RBM27: variants seen among roughly 807,000 people sequenced by gnomAD.
RBM27 encodes RNA binding motif protein 27.
Under a neutral mutation model 135.3 loss-of-function variants are expected in RBM27, and 22 were observed. The observed-to-expected ratio is 0.16, with a 90% CI of 0.12 to 0.23. The LOEUF is 0.23. Ranked by LOEUF, RBM27 falls within the 10% of genes least tolerant of loss-of-function variation. RBM27 has a pLI of 1.00. For missense variants in RBM27, 1,009 were observed against 1,281.0 expected (o/e 0.79, Z 3.24); for synonymous variants, 481 against 442.4 (o/e 1.09, Z -1.10).
At chr5:146,243,779 A>C (rs1171714524) in intron 8 of RBM27, among the ~76,000 whole-genome samples, 1 of 152,202 alleles carries the variant, frequency 6.6e-6, no homozygotes, top group African/African-American at 2.4e-5. Flanking sequence ...CAGCACAGAA[A>C]ATATAGGTGA....
chr5:146,263,356 A>C (rs1282192237), intron 13 of RBM27, 135 bp from the exon 14 acceptor site: 1 of 800,664 alleles, frequency 1.2e-6, no homozygotes, highest in African/African-American at 1.7e-5. Flanking sequence ...AAAAAATAAA[A>C]CCTTACGGAT....
chr5:146,229,618 A>G, intron 4 of RBM27, 99 bp from the exon 5 acceptor site: 1 of 965,302 alleles, frequency 1.0e-6, no homozygotes, highest in South Asian at 1.9e-5. Flanking sequence ...AAGCATAGAT[A>G]TGCATTTGGA....
intron 1 of RBM27, among the ~76,000 whole-genome samples, chr5:146,204,630 G>A (rs7727353): frequency 0.39 from 59,160 of 151,968 alleles, 12,010 homozygotes; most frequent in African/African-American, 0.48. Flanking sequence ...ATACCTAACA[G>A]TATGTAGGGA....
chr5:146,240,215 T>C (rs1329906361), intron 8 of RBM27, among the ~76,000 whole-genome samples: 3 of 151,570 alleles, frequency 2.0e-5, no homozygotes, highest in Non-Finnish European at 4.4e-5. Context: ...CAATCTTCTT[T>C]CCTACTAATA....
At chr5:146,281,214 G>A (rs576385507) in intron 19 of RBM27, among the ~76,000 whole-genome samples, 6 of 152,054 alleles carry the variant, frequency 3.9e-5, no homozygotes, top group Middle Eastern at 3.4e-3. Context: ...GTTTTAAATG[G>A]CCCCCGAATG....
At position 146,283,909 on chromosome 5, in the gene RBM27, A is replaced by G. The variant is rs181875674; in HGVS notation, c.2989-713A>G. On this transcript the variant is annotated intron_variant, in intron 19 of 20. Transcript: ENST00000265271. ...CTATAAATGAGGACCTTTGATAGGA[A>G]AGCTATAGGGATGGCTAAACTTCTA... is the stretch of plus-strand genomic sequence containing the variant. Among the ~76,000 whole-genome samples the G allele has an allele frequency of 2.5e-3, 380 of 152,310 alleles. 4 individuals are homozygous for G. The highest frequency in any genetic ancestry group is 8.8e-3 in the African/African-American group (367 of 41,566).
chr5:146,268,636 G>T (rs1476976245), intron 15 of RBM27, among the ~76,000 whole-genome samples: 1 of 152,058 alleles, frequency 6.6e-6, no homozygotes. Context: ...CACGTTGAGT[G>T]CAGTGTCATG....
chr5:146,228,847 A>G lies in RBM27; in HGVS notation c.304-99A>G, dbSNP rs925786723. 6 of 812,336 alleles carry G rather than the reference A, an allele frequency of 7.4e-6. No homozygotes were observed. In the African/African-American group the frequency reaches 1.0e-4, roughly 14 times the overall value. 50.3% of individuals were successfully genotyped at this position (812,336 alleles called of 1,614,324 possible). The stretch of plus-strand genomic sequence containing the variant: ...AGGCTGGTCTCAATATCCTGGCCTC[A>G]AGCAGTCTTCCCACCTGGACCTCGT... On this transcript the variant is annotated intron_variant, in intron 3 of 20. Coordinates refer to ENST00000265271, the MANE Select transcript of RBM27 (RefSeq NM_018989.2).
At chr5:146,258,653 C>A (rs1758226331) in intron 11 of RBM27, 60 bp downstream of exon 11, 5 of 1,340,986 alleles carry the variant, frequency 3.7e-6, no homozygotes, top group South Asian at 2.1e-5. Flanking sequence ...TTGGTAAATT[C>A]ATAAAAATAA....
intron 3 of RBM27, among the ~76,000 whole-genome samples, chr5:146,224,789 G>A (rs957741865): frequency 6.6e-6 from 1 of 152,160 alleles, no homozygotes; most frequent in African/African-American, 2.4e-5. Context: ...ATGTTGCCCA[G>A]GTTGGTCTCG....
At chr5:146,270,053 T>G (rs549411392) in intron 17 of RBM27, among the ~76,000 whole-genome samples, 1 of 152,224 alleles carries the variant, frequency 6.6e-6, no homozygotes, top group Non-Finnish European at 1.5e-5. Context: ...GCAGTGTTTT[T>G]CTAATGCTGT....
chr5:146,241,015 C>T (rs1757385554), intron 8 of RBM27, among the ~76,000 whole-genome samples: 2 of 152,018 alleles, frequency 1.3e-5, no homozygotes, highest in South Asian at 2.1e-4. Context: ...TATCTATTTC[C>T]CCCCGAATCA....
chr5:146,282,624 A>G lies in RBM27; in HGVS notation c.2989-1998A>G, dbSNP rs932257420. Among the ~76,000 whole-genome samples, 6 of 152,204 alleles carry G rather than the reference A, an allele frequency of 3.9e-5. No individual in the cohort carries two copies. In the East Asian group the frequency reaches 1.2e-3, roughly 29 times the overall value. On this transcript the variant is annotated intron_variant, in intron 19 of 20. Coordinates refer to ENST00000265271, the MANE Select transcript of RBM27 (RefSeq NM_018989.2). ...TTATAAGTAATCTAGAGAGGATTCA[A>G]AGTATATAGGAGAATGTGTGTAGAT... is the stretch of plus-strand genomic sequence containing the variant.
intron 1 of RBM27, among the ~76,000 whole-genome samples, chr5:146,213,124 T>G (rs1166925503): frequency 6.6e-6 from 1 of 150,458 alleles, no homozygotes; most frequent in Admixed American, 6.6e-5. Context: ...GTTGTTGATA[T>G]GGAGTTTTGC....
At chr5:146,257,130 T>C (rs1410106424) in intron 10 of RBM27, among the ~76,000 whole-genome samples, 1 of 152,174 alleles carries the variant, frequency 6.6e-6, no homozygotes, top group Non-Finnish European at 1.5e-5. Flanking sequence ...AAACGTTAAG[T>C]GAATGAATCT....
intron 19 of RBM27, among the ~76,000 whole-genome samples, chr5:146,280,999 A>G (rs994965626): frequency 1.3e-5 from 2 of 151,926 alleles, no homozygotes; most frequent in East Asian, 3.9e-4. Flanking sequence ...CTGGGATTAC[A>G]GGCGCCCACC....
intron 8 of RBM27, among the ~76,000 whole-genome samples, chr5:146,244,516 C>T (rs1757538963): frequency 6.6e-6 from 1 of 152,076 alleles, no homozygotes; most frequent in Admixed American, 6.6e-5. Context: ...CTCTGAAGTA[C>T]TTAACATTTT....
chr5:146,204,919 A>G (rs1407089094), intron 1 of RBM27, among the ~76,000 whole-genome samples: 3 of 151,988 alleles, frequency 2.0e-5, no homozygotes, highest in East Asian at 1.9e-4. Context: ...TTTTTTTGAA[A>G]CAATGTCTCG....
At chr5:146,212,683 TTATTGTATTA>T (rs1350546769) in intron 1 of RBM27, among the ~76,000 whole-genome samples, 1 of 151,986 alleles carries the variant, frequency 6.6e-6, no homozygotes, top group Non-Finnish European at 1.5e-5. Flanking sequence ...AAACATTTGT[TTATTGTATTA>T]TATTGTATTA....
Sources: gnomAD v4.1 joint callset for allele counts (sites outside exome capture counted in the v4.1 genomes callset) on GRCh38, gnomAD v4.1.1 for gene constraint, MANE v1.5 for transcripts, NCBI Gene and HGNC (gene_info 2026-07-23, HGNC 2026-07-21) for gene names.